PNLIP: variants seen among roughly 807,000 people sequenced by gnomAD.
The protein encoded by PNLIP is pancreatic triacylglycerol lipase.
Under a neutral mutation model 57.1 loss-of-function variants are expected in PNLIP, and 49 were observed. That is an observed-to-expected ratio of 0.86 (90% CI 0.68 to 1.09). The LOEUF (loss-of-function observed/expected upper bound fraction) is 1.09, where lower values mean the gene tolerates loss of function less well. Among genes scored for constraint, PNLIP ranks in the 50% least tolerant of loss-of-function variants. The probability of loss-of-function intolerance (pLI) is 0.00; values close to 1 mark genes in which losing one functional copy is unlikely to be tolerated. For synonymous variants in PNLIP, 209 were observed against 200.4 expected, an observed-to-expected ratio of 1.04 and a Z score of -0.36; for missense variants, 503 against 570.2, an observed-to-expected ratio of 0.88 and a Z score of 1.20.
chr10:116,562,918 A>G (rs1847328837), intron 12 of PNLIP, among the ~76,000 whole-genome samples: 1 of 152,198 alleles, frequency 6.6e-6, no homozygotes, highest in Non-Finnish European at 1.5e-5. Flanking sequence ...TTGCAGAACA[A>G]AAAGGTCAAG....
At chr10:116,560,276 TACACACAC>T (rs71301597) in intron 10 of PNLIP, 132 bp from the exon 11 acceptor site, 6,193 of 425,068 alleles carry the variant, frequency 0.015, 69 homozygotes, top group African/African-American at 0.045. Context: ...ATTAGAAAAT[TACACACAC>T]ACACACACAC....
chr10:116,556,404 A>G lies in PNLIP; in HGVS notation c.930+286A>G, dbSNP rs555811930. Among the ~76,000 whole-genome samples the G allele has an allele frequency of 3.9e-5, 6 of 152,326 alleles. No individual in the cohort carries two copies. The East Asian group carries it at 1.2e-3, about 29-fold the overall frequency. ...TAAACAGACAAAAAATAATTAGTCT[A>G]TGGAAATCTGAGCAATATCTGTAGG... On this transcript the variant is annotated intron_variant, in intron 9 of 12. Coordinates refer to ENST00000369221, the MANE Select transcript of PNLIP (RefSeq NM_000936.4).
intron 10 of PNLIP, among the ~76,000 whole-genome samples, chr10:116,560,184 A>G (rs1050612420): frequency 1.3e-5 from 2 of 151,962 alleles, no homozygotes; most frequent in African/African-American, 4.8e-5. Flanking sequence ...AATCTGTCTT[A>G]ACTTTGAAAA....
intron 2 of PNLIP, 105 bp from the exon 3 acceptor site, chr10:116,547,189 A>C: frequency 1.9e-6 from 2 of 1,034,614 alleles, no homozygotes; most frequent in Non-Finnish European, 3.0e-6. Flanking sequence ...TGAGAGTAGC[A>C]GAGGAGGAAA....
At chr10:116,562,090 G>A (rs1394975916) in intron 12 of PNLIP, among the ~76,000 whole-genome samples, 1 of 152,164 alleles carries the variant, frequency 6.6e-6, no homozygotes, top group African/African-American at 2.4e-5. Context: ...ATAATTCTTG[G>A]TTTCAACCAG....
intron 12 of PNLIP, among the ~76,000 whole-genome samples, chr10:116,563,032 A>G (rs1456741623): frequency 1.3e-5 from 2 of 152,228 alleles, no homozygotes; most frequent in Non-Finnish European, 2.9e-5. Context: ...GCAGAAAAAT[A>G]CAGCCTATAA....
intron 4 of PNLIP, among the ~76,000 whole-genome samples, chr10:116,549,052 T>C (rs1847160634): frequency 6.6e-6 from 1 of 152,342 alleles, no homozygotes; most frequent in East Asian, 1.9e-4. Flanking sequence ...AGAATAAATT[T>C]TCCTAGTAAC....
chr10:116,563,739 T>C (rs1050179239), intron 12 of PNLIP, among the ~76,000 whole-genome samples: 1 of 151,998 alleles, frequency 6.6e-6, no homozygotes, highest in Admixed American at 6.6e-5. Context: ...CCACACTGAG[T>C]TTCTAGAGAT....
intron 12 of PNLIP, among the ~76,000 whole-genome samples, chr10:116,563,297 A>T (rs957305793): frequency 2.0e-5 from 3 of 152,166 alleles, no homozygotes; most frequent in Non-Finnish European, 4.4e-5. Flanking sequence ...AAAAATCCAA[A>T]ATCTGAAATG....
intron 9 of PNLIP, among the ~76,000 whole-genome samples, chr10:116,557,764 C>G (rs1847268057): frequency 6.6e-6 from 1 of 152,146 alleles, no homozygotes; most frequent in African/African-American, 2.4e-5. Context: ...GTCCTGCCAA[C>G]TTGGTTCCTC....
intron 12 of PNLIP, among the ~76,000 whole-genome samples, chr10:116,567,144 C>CTTTCTTTCTTTCTTTCTTTTA (rs1564728825): frequency 6.2e-5 from 8 of 128,966 alleles, no homozygotes; most frequent in African/African-American, 2.3e-4. Flanking sequence ...TCTTTCTTTT[C>CTTTCTTTCTTTCTTTCTTTTA]TTCTCTTTCT....
Position 116,553,712 on chromosome 10 carries a change from T to G in PNLIP, c.460-15T>G. The G allele has an allele frequency of 6.4e-7, 1 of 1,551,896 alleles. No individual in the cohort carries two copies. The highest frequency in any genetic ancestry group is 8.9e-7 in the Non-Finnish European group (1 of 1,124,020). On this transcript the variant is annotated splice_polypyrimidine_tract_variant and intron_variant, in intron 5 of 12. Transcript: ENST00000369221. ...TGCACTTGAAAACATTCTGAAAAGG[T>G]TTTCTTTCCGACAGTCGGCGTTCGG...
chr10:116,555,054 C>T lies in PNLIP; in HGVS notation c.572-124C>T. The T allele has an allele frequency of 2.8e-6, 3 of 1,074,616 alleles. No individual in the cohort carries two copies. The South Asian group carries it at 4.4e-5, about 16-fold the overall frequency. 66.6% of individuals were successfully genotyped at this position (1,074,616 alleles called of 1,614,324 possible). ...AAAGCAAATAGCTAGAAGTAGATTC[C>T]TCTTCAGCAAATGGTCAGGTAAGGA... On this transcript the variant is annotated intron_variant, in intron 6 of 12. Coordinates refer to ENST00000369221, the MANE Select transcript of PNLIP (RefSeq NM_000936.4).
chr10:116,560,666 C>T (rs185263873), intron 11 of PNLIP, 142 bp downstream of exon 11: 148 of 469,226 alleles, frequency 3.2e-4, no homozygotes, highest in African/African-American at 2.5e-3. Flanking sequence ...CAACCTCTGC[C>T]TCTAGGGTTC....
In PNLIP at chr10:116,553,724, C is replaced by T. The variant is rs1412896974; in HGVS notation, c.460-3C>T. The stretch of plus-strand genomic sequence containing the variant: ...CATTCTGAAAAGGTTTTCTTTCCGA[C>T]AGTCGGCGTTCGGTTACTCACCTTC... On this transcript the variant is annotated splice_polypyrimidine_tract_variant and splice_region_variant and intron_variant, in intron 5 of 12. Transcript: ENST00000369221. The T allele has an allele frequency of 1.3e-6, 2 of 1,593,922 alleles. No homozygotes were observed. Among genetic ancestry groups the T allele is most frequent in the Non-Finnish European group, 1.7e-6 (2 of 1,161,822 alleles).
At chr10:116,560,822 C>T (rs1847307824) in intron 11 of PNLIP, among the ~76,000 whole-genome samples, 1 of 152,100 alleles carries the variant, frequency 6.6e-6, no homozygotes. Context: ...AGGTGACCTA[C>T]CCACCTAGGC....
intron 12 of PNLIP, 122 bp from the exon 13 acceptor site, chr10:116,567,613 C>A: frequency 1.3e-6 from 1 of 754,728 alleles, no homozygotes; most frequent in Non-Finnish European, 2.4e-6. Flanking sequence ...ATTGTCTGGT[C>A]TCCAGCACAG....
In PNLIP at chr10:116,560,487, G is replaced by A. The variant is rs1433999204; in HGVS notation, c.1132G>A (p.Gly378Arg). The change falls in exon 11 of 13, where the codon GGA becomes AGA. Residue 378 changes from glycine to arginine, a missense_variant. Gly to Arg is a moderately radical substitution (Grantham distance 125). Transcript: ENST00000369221. ...VTGHILVSLF[G>R]NKGNSKQYEI... is the part of the protein sequence containing the mutation. ...AGGACACATACTAGTTTCTTTGTTC[G>A]GAAATAAAGGAAACTCTAAGCAGTA... 15 of 1,597,364 alleles carry A rather than the reference G, an allele frequency of 9.4e-6. No individual in the cohort carries two copies. Among genetic ancestry groups the A allele is most frequent in the Non-Finnish European group, 1.2e-5 (14 of 1,166,702 alleles).
intron 12 of PNLIP, 68 bp from the exon 13 acceptor site, chr10:116,567,667 T>C (rs374101742): frequency 2.3e-5 from 30 of 1,318,932 alleles, no homozygotes; most frequent in Non-Finnish European, 3.1e-5. Flanking sequence ...GCATAGATTG[T>C]CCTCACTGTC....
Sources: gnomAD v4.1 joint callset for allele counts (sites outside exome capture counted in the v4.1 genomes callset) on GRCh38, gnomAD v4.1.1 for gene constraint, MANE v1.5 for transcripts, NCBI Gene and HGNC (gene_info 2026-07-23, HGNC 2026-07-21) for gene names.